TXLNB: variants seen among roughly 807,000 people sequenced by gnomAD.
TXLNB encodes the protein taxilin beta.
A neutral mutation model predicts 57.4 loss-of-function variants in TXLNB; 37 were observed. The ratio of observed to expected loss-of-function variants is 0.64; its 90% CI spans 0.50 to 0.85. TXLNB has a LOEUF of 0.85. Ranked by LOEUF, TXLNB falls within the 40% of genes least tolerant of loss-of-function variation. The probability of loss-of-function intolerance (pLI) is 0.00; values close to 1 mark genes in which losing one functional copy is unlikely to be tolerated. For missense variants in TXLNB, 848 were observed against 825.6 expected (o/e 1.03, Z -0.33); for synonymous variants, 302 against 309.6 (o/e 0.98, Z 0.26).
chr6:139,254,646 T>C lies in TXLNB; in HGVS notation c.1077+918A>G, dbSNP rs552310514. On this transcript the variant is annotated intron_variant, in intron 7 of 9. Transcript: ENST00000358430. ...CATAAATGTCCAGAATGGTCCCCCC[T>C]TTTTTTGAGTCTGAAATAGGAACCC... 1.1e-4 allele frequency among the ~76,000 whole-genome samples: 16 copies of C among 152,214 alleles called. No individual in the cohort carries two copies. In the East Asian group the frequency reaches 3.1e-3, roughly 29 times the overall value.
intron 3 of TXLNB, chr6:139,271,978 A>G (rs1044028783): frequency 1.3e-5 from 2 of 152,248 alleles, no homozygotes; most frequent in Admixed American, 6.5e-5. Context: ...CAGATGCCAC[A>G]TGAGTCCTGA....
Position 139,262,604 on chromosome 6 carries a change from A to G in TXLNB, c.857T>C (p.Ile286Thr), listed in dbSNP as rs1372424458. 6.2e-7 allele frequency: 1 copy of G among 1,614,004 alleles called. No individual in the cohort carries two copies. The highest frequency in any genetic ancestry group is 8.5e-7 in the Non-Finnish European group (1 of 1,179,966). The change falls in exon 5 of 10, where the codon ATC (isoleucine) becomes ACC (threonine). Residue 286 changes from isoleucine to threonine, a missense_variant. Ile to Thr is a moderately conservative substitution (Grantham distance 89). Coordinates refer to ENST00000358430, the MANE Select transcript of TXLNB (RefSeq NM_153235.4). ...TELAEKLKSI[I>T]DQYELREEHL... ...CTCCTCTCTGAGCTCATACTGATCG[A>G]TGATGCTTTTCAGCTTTTCTGCAAG...
At chr6:139,166,277 C>A in the TXLNB span, 1 of 1,581,010 alleles carries the variant, frequency 6.3e-7, no homozygotes, top group Non-Finnish European at 8.6e-7. Flanking sequence ...CTTTATTCCT[C>A]CCCCAGAAGC....
At chr6:139,293,051 G>A (rs1049802517), upstream of TXLNB, among the ~76,000 whole-genome samples, 2 of 152,146 alleles carry the variant, frequency 1.3e-5, no homozygotes, top group African/African-American at 4.8e-5. Context: ...CTGAGGTAGG[G>A]AGGTTATCTT....
intron 7 of TXLNB, among the ~76,000 whole-genome samples, chr6:139,252,734 G>A (rs1315223381): frequency 6.6e-6 from 1 of 152,222 alleles, no homozygotes; most frequent in African/African-American, 2.4e-5. Context: ...GCTCACGCCT[G>A]GAATCCCAGC....
intron 2 of TXLNB, among the ~76,000 whole-genome samples, chr6:139,284,721 G>A (rs1777132633): frequency 6.9e-6 from 1 of 144,906 alleles, no homozygotes; most frequent in Non-Finnish European, 1.5e-5. Flanking sequence ...CTGTGTGTGG[G>A]GGCTCAGGAG....
the TXLNB span, among the ~76,000 whole-genome samples, chr6:139,303,857 C>CT: frequency 3.3e-3 from 431 of 131,262 alleles, 1 homozygote; most frequent in South Asian, 0.014. Flanking sequence ...AGTTCCTGGT[C>CT]TTTTTTTTTT....
At chr6:139,308,296 A>G in the TXLNB span, among the ~76,000 whole-genome samples, 64,099 of 152,028 alleles carry the variant, frequency 0.42, 14,345 homozygotes, top group African/African-American at 0.58. Context: ...AAGCGATACA[A>G]CTACCTGCCT....
the TXLNB span, among the ~76,000 whole-genome samples, chr6:139,306,517 C>T: frequency 6.6e-6 from 1 of 152,206 alleles, no homozygotes; most frequent in Non-Finnish European, 1.5e-5. Context: ...CTTTCAGACC[C>T]TGCCTAAGCA....
chr6:139,303,557 G>A, the TXLNB span, among the ~76,000 whole-genome samples: 1 of 152,056 alleles, frequency 6.6e-6, no homozygotes, highest in Non-Finnish European at 1.5e-5. Context: ...GCTTAACTCA[G>A]TACTTTATTG....
chr6:139,255,974 C>T (rs1007931283), intron 6 of TXLNB, among the ~76,000 whole-genome samples: 3 of 151,512 alleles, frequency 2.0e-5, no homozygotes, highest in Non-Finnish European at 4.4e-5. Flanking sequence ...CCCAGCAACT[C>T]GAGAGGCTGA....
At chr6:139,262,457 C>T (rs1391915627) in intron 5 of TXLNB, 122 bp downstream of exon 5, 1 of 803,992 alleles carries the variant, frequency 1.2e-6, no homozygotes, top group East Asian at 2.9e-5. Context: ...TCAAGGAAAT[C>T]CAATCCTAAA....
rs141304414 is a variant in TXLNB at position 139,284,814 on chromosome 6, A to G, written c.424+3662T>C. ...TTAGTCTAGACGATAGCACAGTACC[A>G]TTTAACTGAAAAGTAGCTAAGAAGG... On this transcript the variant is annotated intron_variant, in intron 2 of 9. Transcript: ENST00000358430. Among the ~76,000 whole-genome samples the G allele has an allele frequency of 2.4e-3, 353 of 146,590 alleles. 41 individuals carry two copies. The highest frequency in any genetic ancestry group is 7.3e-3 in the African/African-American group (291 of 39,972).
chr6:139,314,630 C>T, the TXLNB span, among the ~76,000 whole-genome samples: 2 of 152,196 alleles, frequency 1.3e-5, no homozygotes, highest in Non-Finnish European at 2.9e-5. Flanking sequence ...TTAGATTTGG[C>T]TTGGAATAAA....
the TXLNB span, among the ~76,000 whole-genome samples, chr6:139,173,449 T>C: frequency 6.6e-6 from 1 of 152,188 alleles, no homozygotes; most frequent in Admixed American, 6.5e-5. Context: ...TACCTTTCCA[T>C]CGGGTAAGGA....
chr6:139,301,319 G>A, the TXLNB span, among the ~76,000 whole-genome samples: 1 of 152,142 alleles, frequency 6.6e-6, no homozygotes, highest in Non-Finnish European at 1.5e-5. Flanking sequence ...TATCTGTATA[G>A]TGCCACCAAA....
intron 6 of TXLNB, among the ~76,000 whole-genome samples, chr6:139,256,770 A>G (rs1361430545): frequency 6.6e-6 from 1 of 152,254 alleles, no homozygotes; most frequent in Non-Finnish European, 1.5e-5. Flanking sequence ...CATGCATCAG[A>G]ATCTCCTACG....
intron 4 of TXLNB, among the ~76,000 whole-genome samples, chr6:139,268,021 G>A (rs1490726801): frequency 6.6e-6 from 1 of 151,824 alleles, no homozygotes; most frequent in African/African-American, 2.4e-5. Context: ...CATGGTGGCG[G>A]GTGCCTGTAA....
chr6:139,203,391 C>T, the TXLNB span, among the ~76,000 whole-genome samples: 37,220 of 151,982 alleles, frequency 0.24, 4,689 homozygotes, highest in African/African-American at 0.27. Context: ...CCTTACCACT[C>T]GGGGGAAAAT....
Sources: gnomAD v4.1 joint callset for allele counts (sites outside exome capture counted in the v4.1 genomes callset) on GRCh38, gnomAD v4.1.1 for gene constraint, MANE v1.5 for transcripts, NCBI Gene and HGNC (gene_info 2026-07-23, HGNC 2026-07-21) for gene names.